The following ESRRG variants were observed in gnomAD, a reference collection of about 807,000 sequenced individuals.
The protein encoded by ESRRG is estrogen-related receptor gamma.
Under a neutral mutation model 44.0 loss-of-function variants are expected in ESRRG, and 13 were observed. The observed-to-expected ratio is 0.30, with a 90% CI of 0.19 to 0.47. The LOEUF is 0.47. Among genes scored for constraint, ESRRG ranks in the 20% least tolerant of loss-of-function variants. ESRRG has a pLI of 1.00. For missense variants in ESRRG, 395 were observed against 580.6 expected, an observed-to-expected ratio of 0.68 and a Z score of 3.29; for synonymous variants, 215 against 214.6, an observed-to-expected ratio of 1.00 and a Z score of -0.02.
At chr1:216,566,895 T>C (rs1283907220) in intron 4 of ESRRG, among the ~76,000 whole-genome samples, 1 of 152,192 alleles carries the variant, frequency 6.6e-6, no homozygotes, top group Non-Finnish European at 1.5e-5. Context: ...CTGGTTGTTT[T>C]TCCTTTGACA....
In ESRRG at chr1:216,852,366, T is replaced by A. The variant is rs11572563; in HGVS notation, c.-14+87216A>T. Among the ~76,000 whole-genome samples, 122 of 152,280 alleles carry A rather than the reference T, an allele frequency of 8.0e-4. 5 individuals carry two copies. In the South Asian group the frequency reaches 0.025, roughly 31 times the overall value. On this transcript the variant is annotated intron_variant, in intron 2 of 7. Coordinates refer to the ESRRG transcript ENST00000359162. ...GTGAGCAGGACATTGTATAGGAAATTCTTTGGAGAAGAAACCGTGGCACAC... is the reference window on the plus strand; with the variant it reads ...GTGAGCAGGACATTGTATAGGAAATACTTTGGAGAAGAAACCGTGGCACAC...
rs188232730 is a variant in ESRRG at position 216,812,216 on chromosome 1, T to C, written c.-14+127366A>G. ...ATGCTTAAAGAGTTACTATATAAAA[T>C]AAGTAAATCCTTGATTTTTTTAACC... is the stretch of plus-strand genomic sequence containing the variant. On this transcript the variant is annotated intron_variant, in intron 2 of 7. Transcript: ENST00000359162. 4.6e-5 allele frequency among the ~76,000 whole-genome samples: 7 copies of C among 152,304 alleles called. No homozygotes were observed. The East Asian group carries it at 1.3e-3, about 29-fold the overall frequency.
chr1:216,716,117 G>T (rs1022520051), intron 1 of ESRRG, among the ~76,000 whole-genome samples: 2 of 151,966 alleles, frequency 1.3e-5, no homozygotes, highest in African/African-American at 2.4e-5. Context: ...TGGATTGTCC[G>T]TGTTCCTTTG....
chr1:216,760,394 G>A (rs1016290984), intron 2 of ESRRG, among the ~76,000 whole-genome samples: 5 of 151,440 alleles, frequency 3.3e-5, no homozygotes, highest in Admixed American at 6.6e-5. Context: ...GACAATATAC[G>A]ACTATATATA....
At chr1:216,541,793 C>A (rs1056041393) in intron 5 of ESRRG, among the ~76,000 whole-genome samples, 2 of 151,812 alleles carry the variant, frequency 1.3e-5, no homozygotes, top group African/African-American at 2.4e-5. Context: ...TGACTGAATT[C>A]CTTTCAGCCA....
intron 1 of ESRRG, among the ~76,000 whole-genome samples, chr1:217,063,796 A>C (rs1053154322): frequency 2.0e-5 from 3 of 152,190 alleles, no homozygotes; most frequent in Admixed American, 2.0e-4. Context: ...AGTCTTACTC[A>C]AAGCATTGGG....
chr1:216,778,067 G>A (rs2093679406), intron 2 of ESRRG, among the ~76,000 whole-genome samples: 1 of 152,028 alleles, frequency 6.6e-6, no homozygotes, highest in Non-Finnish European at 1.5e-5. Flanking sequence ...CGGATCAATA[G>A]AAATTATAAA....
At chr1:216,556,447 C>T (rs2057595712) in intron 5 of ESRRG, among the ~76,000 whole-genome samples, 2 of 152,272 alleles carry the variant, frequency 1.3e-5, no homozygotes, top group South Asian at 4.1e-4. Flanking sequence ...ATGTAGAAAT[C>T]CTCAGCACTC....
intron 5 of ESRRG, among the ~76,000 whole-genome samples, chr1:216,548,095 GA>G: frequency 6.6e-6 from 1 of 152,126 alleles, no homozygotes; most frequent in Admixed American, 6.6e-5. Context: ...TTTGCAGAAA[GA>G]AAAACAATGC....
chr1:217,085,216 T>C (rs1281016203), intron 1 of ESRRG, among the ~76,000 whole-genome samples: 1 of 152,082 alleles, frequency 6.6e-6, no homozygotes, highest in African/African-American at 2.4e-5. Flanking sequence ...ATCAGGAACA[T>C]ACTACCAAGA....
At chr1:216,884,888 C>A (rs1430192041) in intron 2 of ESRRG, among the ~76,000 whole-genome samples, 1 of 152,220 alleles carries the variant, frequency 6.6e-6, no homozygotes, top group Non-Finnish European at 1.5e-5. Flanking sequence ...ATTCCACACA[C>A]ATGTTCTGCC....
intron 1 of ESRRG, among the ~76,000 whole-genome samples, chr1:216,717,342 G>A (rs540994700): frequency 3.9e-4 from 59 of 151,848 alleles, no homozygotes; most frequent in South Asian, 2.1e-3. Context: ...AACTCTGAAT[G>A]GAAATTATTT....
At chr1:216,771,762 T>G (rs2152395226) in intron 2 of ESRRG, among the ~76,000 whole-genome samples, 1 of 151,992 alleles carries the variant, frequency 6.6e-6, no homozygotes, top group East Asian at 1.9e-4. Context: ...GTGATAGCAT[T>G]AGAAATACAG....
intron 1 of ESRRG, among the ~76,000 whole-genome samples, chr1:217,126,648 G>A (rs932848927): frequency 3.3e-5 from 5 of 152,100 alleles, no homozygotes; most frequent in African/African-American, 9.7e-5. Flanking sequence ...GCAAACAGCA[G>A]GAATTAACTT....
chr1:217,109,298 C>T (rs181654727), intron 1 of ESRRG, among the ~76,000 whole-genome samples: 1 of 152,168 alleles, frequency 6.6e-6, no homozygotes, highest in East Asian at 1.9e-4. Flanking sequence ...CTATGCAAGC[C>T]CACTTTACAT....
At chr1:216,737,376 T>C (rs1214454682) in intron 2 of ESRRG, among the ~76,000 whole-genome samples, 3 of 146,732 alleles carry the variant, frequency 2.0e-5, no homozygotes. Context: ...ATTTTTAACA[T>C]GGTGATGACT....
intron 2 of ESRRG, among the ~76,000 whole-genome samples, chr1:216,663,793 AT>A (rs201349794): frequency 0.014 from 2,117 of 152,254 alleles, 23 homozygotes; most frequent in Non-Finnish European, 0.023. Flanking sequence ...TCTTCCTAAA[AT>A]AAATAATTAA....
intron 2 of ESRRG, among the ~76,000 whole-genome samples, chr1:216,930,375 C>T (rs188075057): frequency 6.6e-6 from 1 of 152,164 alleles, no homozygotes; most frequent in African/African-American, 2.4e-5. Context: ...CCTGAGCATT[C>T]CCCAGCTCAC....
At chr1:216,966,888 C>T (rs2118150) in intron 1 of ESRRG, among the ~76,000 whole-genome samples, 77,792 of 151,882 alleles carry the variant, frequency 0.51, 21,767 homozygotes, top group Middle Eastern at 0.7. Context: ...CATACAAAAG[C>T]GAAAAGGATG....
Sources: gnomAD v4.1 joint callset for allele counts (sites outside exome capture counted in the v4.1 genomes callset) on GRCh38, gnomAD v4.1.1 for gene constraint, MANE v1.5 for transcripts, NCBI Gene and HGNC (gene_info 2026-07-23, HGNC 2026-07-21) for gene names.